The following SCAI variants were observed in gnomAD, a reference collection of about 807,000 sequenced individuals.
The protein encoded by SCAI is protein SCAI.
A neutral mutation model predicts 92.2 loss-of-function variants in SCAI; 24 were observed. The ratio of observed to expected loss-of-function variants is 0.26; its 90% CI spans 0.19 to 0.37. The LOEUF (loss-of-function observed/expected upper bound fraction) is 0.37. SCAI is among the 10% of genes least tolerant of loss of function. The pLI is 1.00. For synonymous variants in SCAI, 261 were observed against 258.6 expected (o/e 1.01, Z -0.09); for missense variants, 450 against 736.2 (o/e 0.61, Z 4.50).
chr9:124,981,012 T>C (rs2131600709), intron 14 of SCAI, among the ~76,000 whole-genome samples: 1 of 152,336 alleles, frequency 6.6e-6, no homozygotes, highest in African/African-American at 2.4e-5. Flanking sequence ...AATTTTATAG[T>C]TTAACTCCCA....
At chr9:125,130,118 C>T (rs1403568560) in intron 2 of SCAI, among the ~76,000 whole-genome samples, 4 of 151,272 alleles carry the variant, frequency 2.6e-5, no homozygotes, top group South Asian at 2.1e-4. Context: ...AGGCTGGTTT[C>T]GAACTCCTGA....
At chr9:125,102,944 C>T (rs977971239) in intron 2 of SCAI, among the ~76,000 whole-genome samples, 1 of 152,104 alleles carries the variant, frequency 6.6e-6, no homozygotes, top group African/African-American at 2.4e-5. Context: ...CTCTCTTTCT[C>T]TATACAGCTA....
intron 2 of SCAI, among the ~76,000 whole-genome samples, chr9:125,087,937 T>C (rs1337563329): frequency 6.6e-6 from 1 of 152,212 alleles, no homozygotes; most frequent in Non-Finnish European, 1.5e-5. Context: ...TTTATAGATA[T>C]AATATACGTA....
intron 13 of SCAI, among the ~76,000 whole-genome samples, chr9:124,995,663 C>A (rs1443999426): frequency 6.6e-6 from 1 of 151,908 alleles, no homozygotes; most frequent in Non-Finnish European, 1.5e-5. Context: ...GCTAATTTTT[C>A]TCTTTTTAGT....
intron 2 of SCAI, among the ~76,000 whole-genome samples, chr9:125,127,527 C>T (rs1377266821): frequency 2.0e-5 from 3 of 151,768 alleles, no homozygotes; most frequent in African/African-American, 7.3e-5. Context: ...ACCACACCTG[C>T]CCCCAAGGGC....
intron 3 of SCAI, among the ~76,000 whole-genome samples, chr9:125,041,321 T>C (rs1217794957): frequency 6.6e-6 from 1 of 152,200 alleles, no homozygotes; most frequent in Non-Finnish European, 1.5e-5. Flanking sequence ...TCAGATGTTT[T>C]TAAATGTAAG....
In SCAI at chr9:125,019,095, T is replaced by C. The variant is rs2131071188; in HGVS notation, c.708+12A>G. On this transcript the variant is annotated intron_variant, in intron 8 of 17. Transcript: ENST00000336505. ...TTATCAATAATTATGATTTTTCTTA[T>C]CAAAAACTGACCTCAATGAAAGCTG... 3 of 1,582,970 alleles carry C rather than the reference T, an allele frequency of 1.9e-6. No homozygotes were observed. Among genetic ancestry groups the C allele is most frequent in the Non-Finnish European group, 2.6e-6 (3 of 1,159,878 alleles).
At chr9:125,053,338 A>G (rs1411572881) in intron 3 of SCAI, among the ~76,000 whole-genome samples, 1 of 152,206 alleles carries the variant, frequency 6.6e-6, no homozygotes, top group Non-Finnish European at 1.5e-5. Context: ...CTGTCTCAAA[A>G]AAAAGGAAAA....
intron 2 of SCAI, among the ~76,000 whole-genome samples, chr9:125,081,939 G>A (rs755011661): frequency 6.6e-6 from 1 of 152,198 alleles, no homozygotes; most frequent in African/African-American, 2.4e-5. Context: ...CAATGTGACA[G>A]AGAGGAGAAA....
chr9:125,068,799 C>T (rs1339548929), intron 2 of SCAI, among the ~76,000 whole-genome samples: 2 of 152,182 alleles, frequency 1.3e-5, no homozygotes, highest in Admixed American at 6.5e-5. Flanking sequence ...TATAATATCA[C>T]CATCGTTATT....
chr9:125,086,657 T>C (rs780701167), intron 2 of SCAI, among the ~76,000 whole-genome samples: 1 of 152,228 alleles, frequency 6.6e-6, no homozygotes, highest in Non-Finnish European at 1.5e-5. Flanking sequence ...CAGGAGATTC[T>C]TAATAGATCA....
At position 125,002,060 on chromosome 9, in the gene SCAI, TCA is replaced by T; in HGVS notation, c.1066-19_1066-18del. The T allele has an allele frequency of 6.4e-7, 1 of 1,561,038 alleles. No individual in the cohort carries two copies. The highest frequency in any genetic ancestry group is 1.1e-5 in the South Asian group (1 of 90,072). On this transcript the variant is annotated intron_variant, in intron 11 of 17. Coordinates refer to ENST00000336505, the MANE Select transcript of SCAI (RefSeq NM_001144877.3). Reference sequence around the variant, plus strand: ...AGGCAGCTCCTGAAATGAAAGAAAATCACATACACAAAACAACAAACAAGGAT... The same window carrying T: ...AGGCAGCTCCTGAAATGAAAGAAAATCATACACAAAACAACAAACAAGGAT...
chr9:125,029,029 C>T (rs749924493), intron 4 of SCAI, among the ~76,000 whole-genome samples: 1 of 152,142 alleles, frequency 6.6e-6, no homozygotes, highest in South Asian at 2.1e-4. Context: ...AACTCCTAAC[C>T]TCAAGTTATC....
chr9:124,996,693 G>A (rs1832245819), intron 13 of SCAI, among the ~76,000 whole-genome samples: 1 of 151,458 alleles, frequency 6.6e-6, no homozygotes, highest in South Asian at 2.1e-4. Context: ...GCAGTGGTAT[G>A]ATCTCGGCTC....
At position 125,072,316 on chromosome 9, in the gene SCAI, A is replaced by G. The variant is rs117839513; in HGVS notation, c.99-16309T>C. Among the ~76,000 whole-genome samples the G allele has an allele frequency of 1.7e-4, 26 of 152,274 alleles. No homozygotes were observed. In the East Asian group the frequency reaches 5.0e-3, roughly 29 times the overall value. ...GGATTACAGGCGTAAGATAGTAGAG[A>G]TTCTTATGCTGAGAAAAGATATAGT... On this transcript the variant is annotated intron_variant, in intron 2 of 17. Transcript: ENST00000336505.
intron 3 of SCAI, among the ~76,000 whole-genome samples, chr9:125,045,135 G>A (rs866279694): frequency 2.6e-5 from 4 of 152,172 alleles, no homozygotes; most frequent in South Asian, 2.1e-4. Flanking sequence ...AGCAAAACTC[G>A]GGCAAAGGTG....
At chr9:125,072,973 T>A (rs907097080) in intron 2 of SCAI, among the ~76,000 whole-genome samples, 1 of 152,038 alleles carries the variant, frequency 6.6e-6, no homozygotes, top group African/African-American at 2.4e-5. Flanking sequence ...TTATAACTAC[T>A]GTGAATAATG....
chr9:125,131,754 T>G (rs1835405070), intron 2 of SCAI, among the ~76,000 whole-genome samples: 1 of 152,240 alleles, frequency 6.6e-6, no homozygotes, highest in Non-Finnish European at 1.5e-5. Flanking sequence ...CCAAAACCAC[T>G]GCATTTGCTG....
At chr9:125,077,602 A>G (rs1196928527) in intron 2 of SCAI, among the ~76,000 whole-genome samples, 1 of 152,060 alleles carries the variant, frequency 6.6e-6, no homozygotes, top group African/African-American at 2.4e-5. Flanking sequence ...ATCCTCAACA[A>G]CACTTGTTAT....
Sources: gnomAD v4.1 joint callset for allele counts (sites outside exome capture counted in the v4.1 genomes callset) on GRCh38, gnomAD v4.1.1 for gene constraint, MANE v1.5 for transcripts, NCBI Gene and HGNC (gene_info 2026-07-23, HGNC 2026-07-21) for gene names.